The following XPNPEP3 variants were observed in gnomAD, a reference collection of about 807,000 sequenced individuals.
The protein encoded by XPNPEP3 is xaa-Pro aminopeptidase 3.
Under a neutral mutation model 60.0 loss-of-function variants are expected in XPNPEP3, and 41 were observed. The ratio of observed to expected loss-of-function variants is 0.68; its 90% CI spans 0.53 to 0.89. XPNPEP3 has a LOEUF of 0.89. XPNPEP3 is among the 40% of genes least tolerant of loss of function. The pLI is 0.00. For missense variants in XPNPEP3, 598 were observed against 638.9 expected, an observed-to-expected ratio of 0.94 and a Z score of 0.69; for synonymous variants, 212 against 223.2, an observed-to-expected ratio of 0.95 and a Z score of 0.45.
At chr22:40,909,098 A>G (rs370545860) in intron 5 of XPNPEP3, 24 bp from the exon 6 acceptor site, 2 of 1,609,896 alleles carry the variant, frequency 1.2e-6, no homozygotes, top group African/African-American at 2.7e-5. Flanking sequence ...ACCCTTTGTC[A>G]TACCTTGCTG....
chr22:40,886,221 G>C lies in XPNPEP3; in HGVS notation c.590-92G>C, dbSNP rs1180928295. 2.3e-5 allele frequency: 30 copies of C among 1,322,190 alleles called. 1 individual carries two copies. Among genetic ancestry groups the C allele is most frequent in the Non-Finnish European group, 3.1e-5 (29 of 927,354 alleles). The allele number at this position is 1,322,190 out of a possible 1,614,324, so 81.9% of individuals were successfully genotyped here. The stretch of plus-strand genomic sequence containing the variant: ...AGAGTTCCACGTTACAGGTTTTATA[G>C]TTTTGACTCTTGTTCAAGTCGTTAT... On this transcript the variant is annotated intron_variant, in intron 3 of 9. Transcript: ENST00000357137.
Position 40,881,795 on chromosome 22 carries a change from G to A in XPNPEP3, c.207G>A (p.Gln69=), listed in dbSNP as rs768255478. 2.5e-6 allele frequency: 4 copies of A among 1,614,084 alleles called. No individual in the cohort carries two copies. The South Asian group carries it at 4.4e-5, about 18-fold the overall frequency. Residue 69 remains glutamine (Q), a synonymous_variant, in exon 3 of 10, where the codon CAG becomes CAA. Coordinates refer to ENST00000357137, the MANE Select transcript of XPNPEP3 (RefSeq NM_022098.4). ...RPGEVTPGLS[Q]VEYALRRHKL... ...GGGAGGTAACTCCAGGACTATCTCA[G>A]GTGGAATATGCACTTCGCAGACACA...
chr22:40,874,373 ATAAATAG>A (rs1213285324), intron 2 of XPNPEP3, among the ~76,000 whole-genome samples: 1 of 152,154 alleles, frequency 6.6e-6, no homozygotes, highest in Non-Finnish European at 1.5e-5. Flanking sequence ...CTAGGACTCT[ATAAATAG>A]AGTTGTTGAA....
chr22:40,874,011 T>C (rs2058018309), intron 2 of XPNPEP3, among the ~76,000 whole-genome samples: 2 of 152,160 alleles, frequency 1.3e-5, no homozygotes, highest in African/African-American at 4.8e-5. Context: ...AAGGGATGCA[T>C]TTTATTTTTA....
chr22:40,862,512 A>G, intron 1 of XPNPEP3: 6 of 985,728 alleles, frequency 6.1e-6, no homozygotes, highest in Non-Finnish European at 6.0e-6. Flanking sequence ...CAGTCAAGAA[A>G]CAGTTCAGAG....
intron 7 of XPNPEP3, among the ~76,000 whole-genome samples, chr22:40,921,553 TG>T (rs1176890325): frequency 6.6e-6 from 1 of 151,610 alleles, no homozygotes; most frequent in African/African-American, 2.4e-5. Flanking sequence ...GGCTGGGGTA[TG>T]GGTACATTAT....
chr22:40,867,758 G>A (rs2057985775), intron 1 of XPNPEP3, among the ~76,000 whole-genome samples: 1 of 151,908 alleles, frequency 6.6e-6, no homozygotes, highest in Non-Finnish European at 1.5e-5. Flanking sequence ...GGAAATATTA[G>A]TTTGCATTTT....
chr22:40,873,990 G>A (rs997885531), intron 2 of XPNPEP3, among the ~76,000 whole-genome samples: 9 of 151,974 alleles, frequency 5.9e-5, no homozygotes, highest in South Asian at 2.1e-4. Flanking sequence ...AATTGTAGCC[G>A]TCTCTTGAGC....
In XPNPEP3 at chr22:40,857,255, TTCTCCCACGG is replaced by T; in HGVS notation, c.64+16_64+25del. 1 of 1,614,058 alleles carries T rather than the reference TTCTCCCACGG, an allele frequency of 6.2e-7. No homozygotes were observed. Among genetic ancestry groups the T allele is most frequent in the Non-Finnish European group, 8.5e-7 (1 of 1,179,978 alleles). On this transcript the variant is annotated intron_variant, in intron 1 of 9. Transcript: ENST00000357137. ...GTCCGCGGCCTCTCAGGTTAGACTC[TTCTCCCACGG>T]TCTCCTCCCATGGTGTCCCCTGGAG...
chr22:40,865,376 T>A (rs1394568423), intron 1 of XPNPEP3, among the ~76,000 whole-genome samples: 4 of 148,450 alleles, frequency 2.7e-5, no homozygotes, highest in African/African-American at 1.0e-4. Flanking sequence ...TTGCCCAGGC[T>A]AGAGTACAGT....
intron 4 of XPNPEP3, among the ~76,000 whole-genome samples, chr22:40,903,781 C>T (rs1347060234): frequency 6.6e-6 from 1 of 151,908 alleles, no homozygotes; most frequent in Non-Finnish European, 1.5e-5. Context: ...AGCCACTGTG[C>T]CCAGTCTCAA....
chr22:40,909,923 G>A (rs1159973891), intron 6 of XPNPEP3, among the ~76,000 whole-genome samples: 1 of 151,964 alleles, frequency 6.6e-6, no homozygotes, highest in African/African-American at 2.4e-5. Flanking sequence ...CAACAACAGT[G>A]AGCCAAGCAG....
intron 1 of XPNPEP3, chr22:40,861,086 C>T (rs563900322): frequency 1.9e-6 from 3 of 1,590,508 alleles, no homozygotes; most frequent in Non-Finnish European, 2.6e-6. Flanking sequence ...TTTTGGTAGA[C>T]TTCTTTTGCA....
intron 4 of XPNPEP3, among the ~76,000 whole-genome samples, chr22:40,896,096 C>T (rs182873341): frequency 2.0e-5 from 3 of 152,260 alleles, no homozygotes; most frequent in Admixed American, 1.3e-4. Flanking sequence ...AGATAATAAA[C>T]ATATCTGCCT....
intron 4 of XPNPEP3, among the ~76,000 whole-genome samples, chr22:40,892,048 G>C (rs2058090474): frequency 6.6e-6 from 1 of 152,192 alleles, no homozygotes; most frequent in South Asian, 2.1e-4. Flanking sequence ...TGGGCATGCT[G>C]TCATAGTGCA....
At position 40,857,235 on chromosome 22, in the gene XPNPEP3, C is replaced by T. The variant is rs1359166977; in HGVS notation, c.54C>T (p.Arg18=). The T allele has an allele frequency of 1.2e-6, 2 of 1,614,086 alleles. No homozygotes were observed. Among genetic ancestry groups the T allele is most frequent in the East Asian group, 2.2e-5 (1 of 44,890 alleles). The change falls in exon 1 of 10, where the codon CGC becomes CGT. Residue 18 remains arginine, a synonymous_variant. Transcript: ENST00000357137. ...TGGTTCCCGCTGTAGCAAACGTCCG[C>T]GGCCTCTCAGGTTAGACTCTTCTCC... ...PKLVPAVANV[R]GLSGCMLCSQ...
At chr22:40,911,331 T>C (rs965644335) in intron 6 of XPNPEP3, among the ~76,000 whole-genome samples, 1 of 152,138 alleles carries the variant, frequency 6.6e-6, no homozygotes, top group Non-Finnish European at 1.5e-5. Context: ...TTCTTTCTTA[T>C]GCTGTCTTTT....
chr22:40,873,641 T>G (rs750410607), intron 2 of XPNPEP3, among the ~76,000 whole-genome samples: 70 of 151,706 alleles, frequency 4.6e-4, no homozygotes, highest in Non-Finnish European at 7.8e-4. Flanking sequence ...TAGCTGAGTG[T>G]GTTGACAGAT....
intron 6 of XPNPEP3, among the ~76,000 whole-genome samples, chr22:40,912,414 G>A (rs1054415359): frequency 2.0e-5 from 3 of 152,064 alleles, no homozygotes; most frequent in Non-Finnish European, 4.4e-5. Flanking sequence ...TAAGTTATAT[G>A]TTTCTACCAT....
Sources: allele counts gnomAD v4.1 joint callset (sites outside exome capture counted in the v4.1 genomes callset), GRCh38; gene constraint gnomAD v4.1.1; transcripts MANE v1.5; gene names NCBI Gene and HGNC (gene_info 2026-07-23, HGNC 2026-07-21).